The following DLG2 variants were observed in gnomAD, a reference collection of about 807,000 sequenced individuals.
DLG2 encodes the protein disks large homolog 2.
DLG2 carries 45 observed loss-of-function variants against 132.5 expected under a neutral mutation model. The observed-to-expected ratio is 0.34, with a 90% CI of 0.27 to 0.44. DLG2 has a LOEUF of 0.44. Among genes scored for constraint, DLG2 ranks in the 20% least tolerant of loss-of-function variants. DLG2 has a pLI of 1.00. For missense variants in DLG2, 1,045 were observed against 1,196.9 expected, an observed-to-expected ratio of 0.87 and a Z score of 1.87; for synonymous variants, 424 against 419.6, an observed-to-expected ratio of 1.01 and a Z score of -0.13.
chr11:84,410,026 A>C (rs574764671), intron 7 of DLG2, among the ~76,000 whole-genome samples: 17 of 152,332 alleles, frequency 1.1e-4, no homozygotes, highest in Admixed American at 8.5e-4. Flanking sequence ...GAAATATCAT[A>C]CAGTACATGA....
chr11:83,999,637 C>A (rs1565978256), intron 11 of DLG2, among the ~76,000 whole-genome samples: 1 of 152,126 alleles, frequency 6.6e-6, no homozygotes, highest in Non-Finnish European at 1.5e-5. Context: ...CTCACTGCTG[C>A]CACCCCTGGG....
chr11:83,623,510 T>A (rs560850071), intron 19 of DLG2, among the ~76,000 whole-genome samples: 1 of 152,284 alleles, frequency 6.6e-6, no homozygotes, highest in East Asian at 1.9e-4. Flanking sequence ...CACAGTCCAA[T>A]GGAGGGAGCA....
At chr11:85,390,338 C>T (rs2086692117) in intron 3 of DLG2, among the ~76,000 whole-genome samples, 1 of 152,052 alleles carries the variant, frequency 6.6e-6, no homozygotes, top group Admixed American at 6.6e-5. Context: ...GACATTGGCA[C>T]TCCCAAATTT....
At chr11:85,575,977 A>T (rs1469235583) in intron 3 of DLG2, among the ~76,000 whole-genome samples, 1 of 152,196 alleles carries the variant, frequency 6.6e-6, no homozygotes, top group Non-Finnish European at 1.5e-5. Flanking sequence ...AGCTTAGAAA[A>T]ATATAATGAA....
intron 6 of DLG2, among the ~76,000 whole-genome samples, chr11:84,915,677 T>A (rs548459960): frequency 6.6e-6 from 1 of 152,088 alleles, no homozygotes; most frequent in Non-Finnish European, 1.5e-5. Flanking sequence ...TAATTAGAGA[T>A]TAATTAATTA....
intron 21 of DLG2, among the ~76,000 whole-genome samples, chr11:83,494,846 T>C (rs145084195): frequency 6.6e-6 from 1 of 152,256 alleles, no homozygotes; most frequent in East Asian, 1.9e-4. Flanking sequence ...TCATCAAATC[T>C]GAGGAACTGT....
chr11:85,219,281 C>T (rs1196843489), intron 4 of DLG2, among the ~76,000 whole-genome samples: 11 of 152,016 alleles, frequency 7.2e-5, no homozygotes, highest in Non-Finnish European at 1.3e-4. Flanking sequence ...TTTCTGACAC[C>T]TCTGGTCTCT....
intron 6 of DLG2, among the ~76,000 whole-genome samples, chr11:85,031,084 T>TA (rs2060964508): frequency 6.6e-6 from 1 of 152,004 alleles, no homozygotes; most frequent in African/African-American, 2.4e-5. Context: ...CAGCTTTTTT[T>TA]TATATATAGG....
Position 83,457,490 on chromosome 11 carries a change from G to GTTACTT in DLG2, c.*2327_*2328insAAGTAA, listed in dbSNP as rs1221360109. The GTTACTT allele has an allele frequency of 5.2e-5, 8 of 152,538 alleles. No homozygotes were observed. Among genetic ancestry groups the GTTACTT allele is most frequent in the African/African-American group, 1.9e-4 (8 of 41,426 alleles). The allele number at this position is 152,538 out of a possible 1,614,324, so 9.4% of individuals were successfully genotyped here. The stretch of plus-strand genomic sequence containing the variant: ...TTCTAATCTGAAAGCATCTACACTA[G>GTTACTT]GAAAATAAATAGTTATATTACTACA... On this transcript the variant is annotated 3_prime_UTR_variant, in exon 28 of 28. Transcript: ENST00000376104.
At chr11:84,594,352 C>A (rs1174294506) in intron 6 of DLG2, among the ~76,000 whole-genome samples, 2 of 152,152 alleles carry the variant, frequency 1.3e-5, no homozygotes, top group Middle Eastern at 3.2e-3. Flanking sequence ...TTCATTCATG[C>A]CTCAACATTT....
intron 7 of DLG2, among the ~76,000 whole-genome samples, chr11:84,404,707 C>G (rs904909824): frequency 2.0e-5 from 3 of 151,996 alleles, no homozygotes; most frequent in Non-Finnish European, 4.4e-5. Flanking sequence ...GTACCTGAAA[C>G]AACTCAACCA....
chr11:84,391,927 T>C (rs2098793943), intron 7 of DLG2, among the ~76,000 whole-genome samples: 1 of 152,126 alleles, frequency 6.6e-6, no homozygotes, highest in African/African-American at 2.4e-5. Flanking sequence ...AGTTTTCCAT[T>C]CCATGGGAAT....
chr11:84,107,103 G>C (rs1041983763), intron 9 of DLG2, among the ~76,000 whole-genome samples: 3 of 151,628 alleles, frequency 2.0e-5, no homozygotes, highest in African/African-American at 7.3e-5. Flanking sequence ...TGGCAGGGAG[G>C]GGACTCAAGC....
intron 19 of DLG2, among the ~76,000 whole-genome samples, chr11:83,622,766 A>G (rs1255955050): frequency 6.6e-6 from 1 of 152,120 alleles, no homozygotes; most frequent in Non-Finnish European, 1.5e-5. Flanking sequence ...GTGGTCTGAA[A>G]GTATGGTTGG....
chr11:83,925,025 C>T (rs201678512), intron 15 of DLG2, among the ~76,000 whole-genome samples: 6 of 152,082 alleles, frequency 3.9e-5, no homozygotes, highest in African/African-American at 9.7e-5. Flanking sequence ...CCAACACTAC[C>T]GCTTGTAATA....
intron 21 of DLG2, among the ~76,000 whole-genome samples, chr11:83,522,462 TCAGATCAAG>T (rs1233997954): frequency 3.3e-5 from 5 of 152,036 alleles, no homozygotes; most frequent in African/African-American, 1.2e-4. Context: ...GAAGTAACAC[TCAGATCAAG>T]AGAACCTTCC....
intron 6 of DLG2, among the ~76,000 whole-genome samples, chr11:85,013,006 A>G (rs1235885875): frequency 6.6e-6 from 1 of 152,212 alleles, no homozygotes; most frequent in Non-Finnish European, 1.5e-5. Context: ...TCAATATTAA[A>G]TATCTTCTCA....
At chr11:85,223,464 T>A (rs1327659925) in intron 4 of DLG2, among the ~76,000 whole-genome samples, 1 of 151,956 alleles carries the variant, frequency 6.6e-6, no homozygotes, top group Non-Finnish European at 1.5e-5. Flanking sequence ...GTGAAACCCA[T>A]CTCTATTAAA....
chr11:85,121,615 T>C (rs1442440443), intron 5 of DLG2, among the ~76,000 whole-genome samples: 1 of 152,072 alleles, frequency 6.6e-6, no homozygotes, highest in Non-Finnish European at 1.5e-5. Flanking sequence ...ATTTGGTTTA[T>C]CATAGATGTG....
Sources: gnomAD v4.1 joint callset for allele counts (sites outside exome capture counted in the v4.1 genomes callset) on GRCh38, gnomAD v4.1.1 for gene constraint, MANE v1.5 for transcripts, NCBI Gene and HGNC (gene_info 2026-07-23, HGNC 2026-07-21) for gene names.